PLK3: variants seen among roughly 807,000 people sequenced by gnomAD.
The protein encoded by PLK3 is polo like kinase 3.
A neutral mutation model predicts 71.6 loss-of-function variants in PLK3; 41 were observed. The ratio of observed to expected loss-of-function variants is 0.57; its 90% CI spans 0.45 to 0.74. PLK3 has a LOEUF of 0.74. Among genes scored for constraint, PLK3 ranks in the 30% least tolerant of loss-of-function variants. The pLI, the probability that PLK3 is intolerant of heterozygous loss-of-function variation, is 0.00. For synonymous variants in PLK3, 366 were observed against 355.4 expected (o/e 1.03, Z -0.33); for missense variants, 791 against 875.6 (o/e 0.90, Z 1.22).
Position 44,801,630 on chromosome 1 carries a change from C to T in PLK3, c.444C>T (p.Ala148=). 3.1e-6 allele frequency: 5 copies of T among 1,613,298 alleles called. No individual in the cohort carries two copies. The highest frequency in any genetic ancestry group is 4.2e-6 in the Non-Finnish European group (5 of 1,179,768). The change falls in exon 4 of 15, where the codon GCC becomes GCT. Residue 148 remains alanine (A), a synonymous_variant. Transcript: ENST00000372201. The part of the protein sequence containing the change: ...FLELCSRKSL[A]HIWKARHTLL... ...GCAGTGGCTCTCTGCAGTCCCTGGC[C>T]CACATCTGGAAGGCCCGGCACACCC...
In PLK3 at chr1:44,804,023, T is replaced by C; in HGVS notation, c.1257T>C (p.Asp419=). The C allele has an allele frequency of 1.9e-6, 3 of 1,553,180 alleles. No individual in the cohort carries two copies. The highest frequency in any genetic ancestry group is 2.6e-6 in the Non-Finnish European group (3 of 1,144,634). The part of the protein sequence containing the change: ...SPRGTLASSG[D]GFEEGLTVAT... Reference sequence around the variant, plus strand: ...GTGGGACACTGGCAAGCAGTGGAGATGGTGAGGAGCCAGGGAGGATGAGAG... The same window carrying C: ...GTGGGACACTGGCAAGCAGTGGAGACGGTGAGGAGCCAGGGAGGATGAGAG... The change falls in exon 10 of 15, where the codon GAT becomes GAC. Residue 419 remains aspartate (D), a splice_region_variant and synonymous_variant. Transcript: ENST00000372201.
chr1:44,801,724 G>A lies in PLK3; in HGVS notation c.538G>A (p.Gly180Ser), dbSNP rs989061985. Reference protein sequence around the residue: ...LSGLKYLHQRGILHRDLKLGN... With the variant: ...LSGLKYLHQRSILHRDLKLGN... Reference sequence around the variant, plus strand: ...TGGCCTCAAGTACTTGCACCAGCGCGGCATCTTGCACCGGGACCTCAAGTT... The same window carrying A: ...TGGCCTCAAGTACTTGCACCAGCGCAGCATCTTGCACCGGGACCTCAAGTT... The change falls in exon 4 of 15, where the codon GGC (glycine) becomes AGC (serine). Residue 180 changes from glycine to serine, a missense_variant. Gly to Ser is a moderately conservative substitution (Grantham distance 56). Coordinates refer to ENST00000372201, the MANE Select transcript of PLK3 (RefSeq NM_004073.4). The A allele has an allele frequency of 8.1e-6, 13 of 1,611,650 alleles. No homozygotes were observed. Among genetic ancestry groups the A allele is most frequent in the Admixed American group, 3.3e-5 (2 of 59,870 alleles).
rs1293100984 is a variant in PLK3 at position 44,801,765 on chromosome 1, G to A, written c.565+14G>A. 1 of 1,528,176 alleles carries A rather than the reference G, an allele frequency of 6.5e-7. No homozygotes were observed. The highest frequency in any genetic ancestry group is 9.0e-7 in the Non-Finnish European group (1 of 1,113,510). 94.7% of individuals were successfully genotyped at this position (1,528,176 alleles called of 1,614,324 possible). A position where few individuals can be genotyped will look rare whatever the true frequency, so the allele number is the denominator to read the frequency against. ...ACCTCAAGTTGGGTGAGACTCCTGA[G>A]CCTGGAGGATGGGAGGTTGGGGAGG... On this transcript the variant is annotated intron_variant, in intron 4 of 14. Coordinates refer to ENST00000372201, the MANE Select transcript of PLK3 (RefSeq NM_004073.4).
Position 44,800,395 on chromosome 1 carries a change from G to T in PLK3, c.-69G>T. On this transcript the variant is annotated 5_prime_UTR_variant, in exon 1 of 15. Coordinates refer to ENST00000372201, the MANE Select transcript of PLK3 (RefSeq NM_004073.4). This position sits in a 1 kb window ranked among gnomAD's most constrained non-coding sequence, Gnocchi z 6.5. Reference sequence around the variant, plus strand: ...CGCCAGCGCAGCGTAGCAAATCCAGGCAGCGCCACGCGCGGCCGGGGCCGG... The same window carrying T: ...CGCCAGCGCAGCGTAGCAAATCCAGTCAGCGCCACGCGCGGCCGGGGCCGG... The T allele has an allele frequency of 8.1e-7, 1 of 1,238,914 alleles. No individual in the cohort carries two copies. The highest frequency in any genetic ancestry group is 2.8e-5 in the South Asian group (1 of 35,930). The allele number at this position is 1,238,914 out of a possible 1,614,324, so 76.7% of individuals were successfully genotyped here.
At position 44,803,055 on chromosome 1, in the gene PLK3, T is replaced by C. The variant is rs1442517602; in HGVS notation, c.850T>C (p.Ser284Pro). 6.2e-7 allele frequency: 1 copy of C among 1,613,934 alleles called. No individual in the cohort carries two copies. Residue 284 changes from serine (S) to proline (P), a missense_variant, in exon 7 of 15, where the codon TCA becomes CCA. By Grantham distance (74) the Ser-to-Pro change is moderately conservative (BLOSUM62 -1). Transcript: ENST00000372201. This position sits in a 1 kb window ranked among gnomAD's most constrained non-coding sequence, Gnocchi z 4.3. ...QVHYTLPASL[S>P]LPARQLLAAI... is the part of the protein sequence containing the mutation. ...TCACTACACGCTGCCTGCCAGCCTC[T>C]CACTGCCTGCCCGGCAGCTCCTGGC...
intron 13 of PLK3, 30 bp from the exon 14 acceptor site, chr1:44,805,236 A>G (rs775995831): frequency 1.4e-6 from 2 of 1,481,164 alleles, no homozygotes; most frequent in Non-Finnish European, 1.9e-6. Flanking sequence ...CTCACGCTGG[A>G]TCAGTGACCT....
rs150751604 is a variant in PLK3 at position 44,802,818 on chromosome 1, G to A, written c.712G>A (p.Gly238Ser). 317 of 1,613,950 alleles carry A rather than the reference G, an allele frequency of 2.0e-4. No individual in the cohort carries two copies. The highest frequency in any genetic ancestry group is 2.5e-4 in the Non-Finnish European group (295 of 1,179,878). Residue 238 changes from glycine to serine, a missense_variant, in exon 6 of 15, where the codon GGC (glycine) becomes AGC (serine). Coordinates refer to ENST00000372201, the MANE Select transcript of PLK3 (RefSeq NM_004073.4). Reference protein sequence around the residue: ...APEVLLRQGHGPEADVWSLGC... With the variant: ...APEVLLRQGHSPEADVWSLGC... ...AGAAGTGCTGCTGAGACAGGGCCAC[G>A]GCCCTGAGGCGGATGTATGGTCACT...
intron 14 of PLK3, 37 bp from the exon 15 acceptor site, chr1:44,805,450 A>G (rs1427425512): frequency 1.9e-6 from 3 of 1,611,438 alleles, no homozygotes; most frequent in East Asian, 2.2e-5. Flanking sequence ...CTGGGCCCGG[A>G]GCCTAGGTCC....
Position 44,803,334 on chromosome 1 carries a change from C to T in PLK3, c.1015C>T (p.Pro339Ser), listed in dbSNP as rs1399806705. Residue 339 changes from proline to serine, a missense_variant, in exon 8 of 15, where the codon CCA becomes TCA. Coordinates refer to ENST00000372201, the MANE Select transcript of PLK3 (RefSeq NM_004073.4). This position sits in a 1 kb window ranked among gnomAD's most constrained non-coding sequence, Gnocchi z 4.3. Reference sequence around the variant, plus strand: ...AGTCCCAGACCTGACACCCCCCAACCCAGCTAGGAGTCTGTTTGCCAAAGT... The same window carrying T: ...AGTCCCAGACCTGACACCCCCCAACTCAGCTAGGAGTCTGTTTGCCAAAGT... ...VTVPDLTPPN[P>S]ARSLFAKVTK... 6 of 1,614,136 alleles carry T rather than the reference C, an allele frequency of 3.7e-6. No individual in the cohort carries two copies. Among genetic ancestry groups the T allele is most frequent in the South Asian group, 1.1e-5 (1 of 91,084 alleles).
At chr1:44,802,916 C>T in intron 6 of PLK3, 39 bp from the exon 7 acceptor site, 2 of 1,605,632 alleles carry the variant, frequency 1.2e-6, no homozygotes, top group Non-Finnish European at 1.7e-6. Flanking sequence ...TGGAGCATCT[C>T]CTCCACTTTA....
chr1:44,804,742 G>C lies in PLK3; in HGVS notation c.1598G>C (p.Arg533Pro). The C allele has an allele frequency of 6.2e-7, 1 of 1,614,042 alleles. No individual in the cohort carries two copies. Among genetic ancestry groups the C allele is most frequent in the Non-Finnish European group, 8.5e-7 (1 of 1,179,954 alleles). ...CTGCAGCCTCAGCTGGGTATCCTGC[G>C]GTACTTCGCCTCCTACATGGAGCAG... is the stretch of plus-strand genomic sequence containing the variant. The part of the protein sequence containing the change: ...RALQPQLGIL[R>P]YFASYMEQHL... The change falls in exon 13 of 15, where the codon CGG becomes CCG. Residue 533 changes from arginine (R) to proline (P), a missense_variant. Arg to Pro is a moderately radical substitution (Grantham distance 103). Coordinates refer to ENST00000372201, the MANE Select transcript of PLK3 (RefSeq NM_004073.4).
chr1:44,805,118 TAAAGAA>T, intron 13 of PLK3, 142 bp from the exon 14 acceptor site: 1 of 602,666 alleles, frequency 1.7e-6, no homozygotes, highest in Non-Finnish European at 2.9e-6. Context: ...AAAAAAAAAA[TAAAGAA>T]AAGAAAACTA....
At position 44,803,312 on chromosome 1, in the gene PLK3, C is replaced by T. The variant is rs1378823259; in HGVS notation, c.993C>T (p.Val331=). 6.2e-7 allele frequency: 1 copy of T among 1,614,116 alleles called. No homozygotes were observed. Among genetic ancestry groups the T allele is most frequent in the East Asian group, 2.2e-5 (1 of 44,884 alleles). Residue 331 remains valine (V), a synonymous_variant, in exon 8 of 15, where the codon GTC becomes GTT. Transcript: ENST00000372201. This position sits in a 1 kb window ranked among gnomAD's most constrained non-coding sequence, Gnocchi z 4.3. ...DRLPISSCVT[V]PDLTPPNPAR... The stretch of plus-strand genomic sequence containing the variant: ...TCCCTATCAGCAGCTGCGTGACAGT[C>T]CCAGACCTGACACCCCCCAACCCAG...
chr1:44,800,985 A>C lies in PLK3; in HGVS notation c.318+38A>C. On this transcript the variant is annotated intron_variant, in intron 2 of 14. Coordinates refer to ENST00000372201, the MANE Select transcript of PLK3 (RefSeq NM_004073.4). This position sits in a 1 kb window ranked among gnomAD's most constrained non-coding sequence, Gnocchi z 6.5. Reference sequence around the variant, plus strand: ...TCAGCGGGCGAGGGGTGGGGTGGGGACGGTGGCATGGGAACCATGGAAGGA... The same window carrying C: ...TCAGCGGGCGAGGGGTGGGGTGGGGCCGGTGGCATGGGAACCATGGAAGGA... 6.2e-7 allele frequency: 1 copy of C among 1,607,696 alleles called. No individual in the cohort carries two copies. The highest frequency in any genetic ancestry group is 8.5e-7 in the Non-Finnish European group (1 of 1,174,910).
Position 44,800,483 on chromosome 1 carries a change from T to C in PLK3, c.20T>C (p.Phe7Ser). The change falls in exon 1 of 15, where the codon TTC (phenylalanine) becomes TCC (serine). Residue 7 changes from phenylalanine to serine, a missense_variant. By Grantham distance (155) the Phe-to-Ser change is radical. Coordinates refer to ENST00000372201, the MANE Select transcript of PLK3 (RefSeq NM_004073.4). This position sits in a 1 kb window ranked among gnomAD's most constrained non-coding sequence, Gnocchi z 6.5. ...GGCCGCATGGAGCCTGCCGCCGGTT[T>C]CCTGTCTCCGCGCCCCTTCCAGCGT... is the stretch of plus-strand genomic sequence containing the variant. MEPAAG[F>S]LSPRPFQRAA... 1 of 1,430,566 alleles carries C rather than the reference T, an allele frequency of 7.0e-7. No homozygotes were observed. The highest frequency in any genetic ancestry group is 9.1e-7 in the Non-Finnish European group (1 of 1,098,042). The allele number at this position is 1,430,566 out of a possible 1,614,324, so 88.6% of individuals were successfully genotyped here. A position where few individuals can be genotyped will look rare whatever the true frequency, so the allele number is the denominator to read the frequency against.
intron 5 of PLK3, 57 bp downstream of exon 5, chr1:44,801,989 G>A: frequency 2.3e-6 from 3 of 1,321,988 alleles, no homozygotes; most frequent in Non-Finnish European, 3.2e-6. Context: ...GTGATAGACA[G>A]TGCATATGTA....
Position 44,801,057 on chromosome 1 carries a change from C to G in PLK3, c.340C>G (p.His114Asp). The G allele has an allele frequency of 6.2e-7, 1 of 1,613,766 alleles. No individual in the cohort carries two copies. The highest frequency in any genetic ancestry group is 1.3e-5 in the African/African-American group (1 of 75,044). The change falls in exon 3 of 15, where the codon CAC (histidine) becomes GAC (aspartate). Residue 114 changes from histidine (H) to aspartate (D), a missense_variant. His to Asp is a moderately conservative substitution (Grantham distance 81, BLOSUM62 -1). Coordinates refer to ENST00000372201, the MANE Select transcript of PLK3 (RefSeq NM_004073.4). The stretch of plus-strand genomic sequence containing the variant: ...GCAGATCCTAAATGAGATTGAGCTG[C>G]ACCGAGACCTGCAGCACCGCCACAT... ...REKILNEIEL[H>D]RDLQHRHIVR...
At chr1:44,802,044 G>C (rs956780377) in intron 5 of PLK3, 112 bp downstream of exon 5, 1 of 812,092 alleles carries the variant, frequency 1.2e-6, no homozygotes, top group Non-Finnish European at 2.0e-6. Flanking sequence ...GAGATAAATG[G>C]GAAGGGATGA....
intron 13 of PLK3, 183 bp from the exon 14 acceptor site, chr1:44,805,083 G>A: frequency 1.7e-6 from 1 of 592,292 alleles, no homozygotes; most frequent in Admixed American, 2.9e-5. Flanking sequence ...TCCAGCCTGG[G>A]CAACAGAGCG....
Sources: gnomAD v4.1 joint callset for allele counts on GRCh38, gnomAD v4.1.1 for gene constraint, Gnocchi (gnomAD v3.1) non-coding constraint, MANE v1.5 for transcripts, NCBI Gene and HGNC (gene_info 2026-07-23, HGNC 2026-07-21) for gene names.